The following PLEKHH2 variants were observed in gnomAD, a reference collection of about 807,000 sequenced individuals.
The protein encoded by PLEKHH2 is pleckstrin homology, MyTH4 and FERM domain containing H2.
PLEKHH2 carries 129 observed loss-of-function variants against 187.9 expected under a neutral mutation model. That is an observed-to-expected ratio of 0.69 (90% confidence interval 0.59 to 0.79). PLEKHH2 has a LOEUF of 0.79. Among genes scored for constraint, PLEKHH2 ranks in the 30% least tolerant of loss-of-function variants. The pLI is 0.00. For missense variants in PLEKHH2, 2,076 were observed against 1,751.2 expected (o/e 1.19, Z -3.31); for synonymous variants, 686 against 605.6 (o/e 1.13, Z -1.95).
At position 43,704,662 on chromosome 2, in the gene PLEKHH2, T is replaced by TAAAAAAAAAAAAAA. The variant is rs70965318; in HGVS notation, c.1726+617_1726+630dup. ...TGGGTGACAGAGCAAGATTCTGTCT[T>TAAAAAAAAAAAAAA]AAAAAAAAAAAAAAAAAAAAAAAAG... On this transcript the variant is annotated intron_variant, in intron 9 of 29. Coordinates refer to ENST00000282406, the MANE Select transcript of PLEKHH2 (RefSeq NM_172069.4). 1.7e-3 allele frequency among the ~76,000 whole-genome samples: 147 copies of TAAAAAAAAAAAAAA among 84,276 alleles called. 8 individuals are homozygous for TAAAAAAAAAAAAAA. Among genetic ancestry groups the TAAAAAAAAAAAAAA allele is most frequent in the African/African-American group, 6.4e-3 (140 of 21,810 alleles). 55.3% of individuals were successfully genotyped at this position (84,276 alleles called of 152,430 possible).
rs1269713870 is a variant in PLEKHH2 at position 43,753,605 on chromosome 2, C to A, written c.3654-14C>A. The A allele has an allele frequency of 1.5e-6, 2 of 1,363,610 alleles. No homozygotes were observed. The highest frequency in any genetic ancestry group is 5.4e-5 in the East Asian group (2 of 36,984). The allele number at this position is 1,363,610 out of a possible 1,614,324, so 84.5% of individuals were successfully genotyped here. Reference sequence around the variant, plus strand: ...AATATAATTTAATGAGAAATTTACTCTTTTTTTTTACAGACTATATTTCTC... The same window carrying A: ...AATATAATTTAATGAGAAATTTACTATTTTTTTTTACAGACTATATTTCTC... On this transcript the variant is annotated splice_polypyrimidine_tract_variant and intron_variant, in intron 24 of 29. Coordinates refer to ENST00000282406, the MANE Select transcript of PLEKHH2 (RefSeq NM_172069.4).
rs758831085 is a variant in PLEKHH2 at position 43,707,405 on chromosome 2, C to A, written c.1826C>A (p.Ala609Glu). ...TPVYTTLKGKATQISSSPFLD... is the reference protein window; with the variant it reads ...TPVYTTLKGKETQISSSPFLD... ...GGTTGTTCCACTTTTCTTTAGAAGG[C>A]GACCCAAATAAGTAGCAGCCCTTTC... The change falls in exon 11 of 30, where the codon GCG becomes GAG. Residue 609 changes from alanine to glutamate, a missense_variant. By Grantham distance (107) the Ala-to-Glu change is moderately radical. Transcript: ENST00000282406. 1.1e-5 allele frequency: 18 copies of A among 1,613,684 alleles called. No homozygotes were observed. The highest frequency in any genetic ancestry group is 1.7e-5 in the Admixed American group (1 of 59,962).
intron 16 of PLEKHH2, among the ~76,000 whole-genome samples, chr2:43,721,377 CATA>C (rs1411769178): frequency 6.6e-5 from 10 of 152,298 alleles, no homozygotes; most frequent in Middle Eastern, 3.4e-3. Flanking sequence ...ACTTGTATAA[CATA>C]ATGATGACTG....
chr2:43,691,686 T>A (rs552600843), intron 3 of PLEKHH2, among the ~76,000 whole-genome samples: 38 of 152,270 alleles, frequency 2.5e-4, no homozygotes, highest in Admixed American at 7.2e-4. Flanking sequence ...GTTCTTTTTT[T>A]AAAAAAACAT....
chr2:43,726,299 G>A lies in PLEKHH2; in HGVS notation c.2569G>A (p.Glu857Lys), dbSNP rs1558570232. 6.2e-7 allele frequency: 1 copy of A among 1,611,990 alleles called. No homozygotes were observed. The highest frequency in any genetic ancestry group is 1.7e-5 in the Admixed American group (1 of 59,964). ...KFPLGQIKLW[E>K]AKVEEVDRSC... ...TCCTTTAGGTCAGATCAAACTCTGG[G>A]AGGCTAAAGTGGAAGAGGTTGACAG... is the stretch of plus-strand genomic sequence containing the variant. Residue 857 changes from glutamate (E) to lysine (K), a missense_variant, in exon 17 of 30, where the codon GAG becomes AAG. Transcript: ENST00000282406.
intron 21 of PLEKHH2, 28 bp downstream of exon 21, chr2:43,741,071 G>A: frequency 6.4e-7 from 1 of 1,562,306 alleles, no homozygotes; most frequent in South Asian, 1.1e-5. Flanking sequence ...CAGCTGAACT[G>A]TTTATGTGGC....
chr2:43,725,218 A>G (rs1396999473), intron 16 of PLEKHH2, among the ~76,000 whole-genome samples: 1 of 152,022 alleles, frequency 6.6e-6, no homozygotes, highest in Non-Finnish European at 1.5e-5. Context: ...GCTGACTGTT[A>G]GTCTGTGTTT....
chr2:43,643,608 A>G (rs1025861325), intron 1 of PLEKHH2, among the ~76,000 whole-genome samples: 2 of 152,122 alleles, frequency 1.3e-5, no homozygotes, highest in African/African-American at 2.4e-5. Context: ...AAACAAAAGA[A>G]TAGAATAGTA....
chr2:43,682,668 A>G (rs1219713188), intron 3 of PLEKHH2, among the ~76,000 whole-genome samples: 1 of 152,174 alleles, frequency 6.6e-6, no homozygotes, highest in East Asian at 1.9e-4. Context: ...ATCTAGTTCC[A>G]AAATGTCGAA....
intron 1 of PLEKHH2, among the ~76,000 whole-genome samples, chr2:43,642,718 A>G (rs2104320677): frequency 6.6e-6 from 1 of 152,278 alleles, no homozygotes; most frequent in Admixed American, 6.5e-5. Flanking sequence ...TGAAATGATC[A>G]TACGGTTTTT....
At chr2:43,691,792 G>A (rs1370771569) in intron 3 of PLEKHH2, among the ~76,000 whole-genome samples, 2 of 152,142 alleles carry the variant, frequency 1.3e-5, no homozygotes, top group Admixed American at 1.3e-4. Flanking sequence ...CAAAGTGCTG[G>A]GATTACAGGT....
chr2:43,735,639 T>C lies in PLEKHH2; in HGVS notation c.2944-2702T>C, dbSNP rs114814392. On this transcript the variant is annotated intron_variant, in intron 19 of 29. Transcript: ENST00000282406. Reference sequence around the variant, plus strand: ...GAGGTAGTGGGTATCCCAATTCCCTTGATTTGATTATTACATGTTGCAGGC... The same window carrying C: ...GAGGTAGTGGGTATCCCAATTCCCTCGATTTGATTATTACATGTTGCAGGC... Among the ~76,000 whole-genome samples, 1,056 of 152,332 alleles carry C rather than the reference T, an allele frequency of 6.9e-3. 17 individuals carry two copies. Among genetic ancestry groups the C allele is most frequent in the African/African-American group, 0.024 (1,013 of 41,582 alleles).
intron 3 of PLEKHH2, among the ~76,000 whole-genome samples, chr2:43,685,629 A>C (rs1668467816): frequency 7.2e-6 from 1 of 139,800 alleles, no homozygotes; most frequent in African/African-American, 2.6e-5. Context: ...TTTTGTAGAG[A>C]CGATGTCTCA....
chr2:43,675,754 T>C, intron 2 of PLEKHH2: 2 of 1,613,784 alleles, frequency 1.2e-6, no homozygotes, highest in Non-Finnish European at 1.7e-6. Context: ...TTTCATCAAC[T>C]CTCTGCTTAA....
intron 2 of PLEKHH2, among the ~76,000 whole-genome samples, chr2:43,657,390 G>T (rs921197726): frequency 1.3e-5 from 2 of 152,136 alleles, no homozygotes; most frequent in East Asian, 3.9e-4. Context: ...GAAACAACTG[G>T]AAACTATCTG....
intron 16 of PLEKHH2, among the ~76,000 whole-genome samples, chr2:43,723,813 A>T (rs1413930850): frequency 1.3e-5 from 2 of 152,176 alleles, no homozygotes; most frequent in African/African-American, 4.8e-5. Flanking sequence ...CAGGGACATG[A>T]TCTTGCCTGT....
chr2:43,720,209 A>C (rs1670415777), intron 15 of PLEKHH2, among the ~76,000 whole-genome samples: 1 of 152,188 alleles, frequency 6.6e-6, no homozygotes, highest in African/African-American at 2.4e-5. Flanking sequence ...ATGCATAGTA[A>C]ACATTCGTTG....
In PLEKHH2 at chr2:43,758,061, G is replaced by A. The variant is rs116478303; in HGVS notation, c.3941+797G>A. 2.6e-3 allele frequency among the ~76,000 whole-genome samples: 397 copies of A among 152,308 alleles called. 1 individual carries two copies. Among genetic ancestry groups the A allele is most frequent in the African/African-American group, 8.9e-3 (370 of 41,560 alleles). Reference sequence around the variant, plus strand: ...GAGAAGCTGATTAGATTTAGAAATAGAGGCAAATCCAATTTATCGTGAGCT... The same window carrying A: ...GAGAAGCTGATTAGATTTAGAAATAAAGGCAAATCCAATTTATCGTGAGCT... On this transcript the variant is annotated intron_variant, in intron 26 of 29. Transcript: ENST00000282406.
rs1384841856 is a variant in PLEKHH2 at position 43,710,484 on chromosome 2, TAC to T, written c.2215-3_2215-2del. On this transcript the variant is annotated splice_polypyrimidine_tract_variant and splice_region_variant and intron_variant, in intron 13 of 29. Transcript: ENST00000282406. The stretch of plus-strand genomic sequence containing the variant: ...ACTTTCCATTTGTTTTTCTGTTTCA[TAC>T]AGAGTGATGTAATTAGAAAACCCCA... 1 of 1,595,520 alleles carries T rather than the reference TAC, an allele frequency of 6.3e-7. No individual in the cohort carries two copies. Among genetic ancestry groups the T allele is most frequent in the Admixed American group, 1.9e-5 (1 of 53,800 alleles).
Sources: allele counts gnomAD v4.1 joint callset (sites outside exome capture counted in the v4.1 genomes callset), GRCh38; gene constraint gnomAD v4.1.1; transcripts MANE v1.5; gene names NCBI Gene and HGNC (gene_info 2026-07-23, HGNC 2026-07-21).